The following DOP1B variants were observed in gnomAD, a reference collection of about 807,000 sequenced individuals.
The protein encoded by DOP1B is protein DOP1B.
Under a neutral mutation model 233.5 loss-of-function variants are expected in DOP1B, and 174 were observed. The ratio of observed to expected loss-of-function variants is 0.75; its 90% CI spans 0.66 to 0.85. The LOEUF (loss-of-function observed/expected upper bound fraction) is 0.85, where lower values mean the gene tolerates loss of function less well. Ranked by LOEUF, DOP1B falls within the 40% of genes least tolerant of loss-of-function variation. DOP1B has a pLI of 0.00. For missense variants in DOP1B, 2,652 were observed against 2,846.6 expected (o/e 0.93, Z 1.56); for synonymous variants, 1,190 against 1,185.6 (o/e 1.00, Z -0.08).
At chr21:36,158,117 G>A (rs1229174453) in intron 1 of DOP1B, among the ~76,000 whole-genome samples, 1 of 152,048 alleles carries the variant, frequency 6.6e-6, no homozygotes, top group Non-Finnish European at 1.5e-5. Context: ...GATTTTCTAT[G>A]AAATTAAAAA....
intron 23 of DOP1B, among the ~76,000 whole-genome samples, chr21:36,257,067 T>C (rs1433125778): frequency 2.0e-5 from 3 of 152,162 alleles, no homozygotes; most frequent in Admixed American, 2.0e-4. Context: ...ACCCCCTCTT[T>C]GGGTTCAGTT....
chr21:36,248,471 TC>T lies in DOP1B; in HGVS notation c.4902del (p.Trp1635GlyfsTer17). 6.2e-7 allele frequency: 1 copy of T among 1,614,200 alleles called. No homozygotes were observed. Among genetic ancestry groups the T allele is most frequent in the Non-Finnish European group, 8.5e-7 (1 of 1,180,020 alleles). ...CGAACTGTTAACACCATGGCCCTTC[TC>T]TGGAATGTTCTCAGAAAGGAGGAGA... ...LPRTVNTMALLWNVLRKEETQ... is the reference protein window; with the variant it reads ...LPRTVNTMALXWNVLRKEETQ... On this transcript the variant is annotated frameshift_variant, in exon 21 of 37. Coordinates refer to ENST00000691173, the MANE Select transcript of DOP1B (RefSeq NM_001320714.2). LOFTEE classifies it high-confidence loss of function.
intron 21 of DOP1B, among the ~76,000 whole-genome samples, chr21:36,249,219 G>A (rs1307026099): frequency 2.0e-5 from 3 of 152,082 alleles, no homozygotes; most frequent in African/African-American, 7.2e-5. Flanking sequence ...CTTGAGCTCA[G>A]GAGTTCAAGA....
intron 10 of DOP1B, among the ~76,000 whole-genome samples, chr21:36,220,349 C>T (rs2066610689): frequency 6.6e-6 from 1 of 152,190 alleles, no homozygotes; most frequent in African/African-American, 2.4e-5. Context: ...AAAAAGGTGT[C>T]ACACGTAATC....
At chr21:36,169,044 G>C (rs1821320039) in intron 2 of DOP1B, 1 of 855,134 alleles carries the variant, frequency 1.2e-6, no homozygotes, top group Non-Finnish European at 2.0e-6. Flanking sequence ...TCCATGGTCT[G>C]GAAGCGGCCA....
chr21:36,274,069 G>A (rs1217149345), intron 27 of DOP1B, among the ~76,000 whole-genome samples: 1 of 152,040 alleles, frequency 6.6e-6, no homozygotes, highest in Non-Finnish European at 1.5e-5. Context: ...CAGAGACTCT[G>A]TCTCAAAAAA....
rs773123176 is a variant in DOP1B at position 36,245,512 on chromosome 21, C to G, written c.3532C>G (p.Leu1178Val). 1.2e-6 allele frequency: 2 copies of G among 1,613,638 alleles called. No homozygotes were observed. Among genetic ancestry groups the G allele is most frequent in the South Asian group, 1.1e-5 (1 of 91,092 alleles). The change falls in exon 19 of 37, where the codon CTG (leucine) becomes GTG (valine). Residue 1178 changes from leucine to valine, a missense_variant. Physicochemically the swap from Leu to Val is conservative, Grantham distance 32 (BLOSUM62 1). Around this residue, in one of 3 missense-constraint regions of DOP1B, gnomAD observed 2,617 missense variants for 2,794.3 expected, o/e 0.94. Transcript: ENST00000691173. The surrounding 1 kb of genome is among the most constrained non-coding windows in gnomAD (Gnocchi z 5.5). ...ESFKAGAKLS[L>V]VRVDSDKTQA... Reference sequence around the variant, plus strand: ...CTTCAAGGCTGGGGCCAAGTTAAGCCTGGTGCGGGTGGACTCGGACAAGAC... The same window carrying G: ...CTTCAAGGCTGGGGCCAAGTTAAGCGTGGTGCGGGTGGACTCGGACAAGAC...
chr21:36,247,681 T>G, intron 20 of DOP1B, 53 bp downstream of exon 20: 1 of 1,347,610 alleles, frequency 7.4e-7, no homozygotes, highest in South Asian at 1.3e-5. Flanking sequence ...TTGTTTTGTC[T>G]TTGGGCTATG....
intron 32 of DOP1B, among the ~76,000 whole-genome samples, chr21:36,284,265 CTTTTTTTTTTT>C (rs71326667): frequency 2.6e-5 from 2 of 75,872 alleles, no homozygotes; most frequent in Non-Finnish European, 4.8e-5. Context: ...TTCCTTCTTT[CTTTTTTTTTTT>C]TTTTTTTTTT....
chr21:36,261,089 G>T (rs1452175699), intron 24 of DOP1B: 3 of 1,014,624 alleles, frequency 3.0e-6, no homozygotes, highest in Non-Finnish European at 2.4e-6. Context: ...AATGGGCCAG[G>T]CGCGGTGGCT....
At chr21:36,231,371 G>A (rs568348170) in intron 14 of DOP1B, among the ~76,000 whole-genome samples, 14 of 152,268 alleles carry the variant, frequency 9.2e-5, no homozygotes, top group Non-Finnish European at 1.8e-4. Context: ...GTGCTAATAA[G>A]GTTTCAGGTT....
Position 36,219,555 on chromosome 21 carries a change from T to C in DOP1B, c.1250+63T>C, listed in dbSNP as rs1284754100. ...CTCCCCGGTACTGTGATTTTTTTTTTCCTCTCTTGCTTACTATAAATTGTG... is the reference window on the plus strand; with the variant it reads ...CTCCCCGGTACTGTGATTTTTTTTTCCCTCTCTTGCTTACTATAAATTGTG... On this transcript the variant is annotated intron_variant, in intron 10 of 36. Transcript: ENST00000691173. The C allele has an allele frequency of 8.2e-6, 13 of 1,583,286 alleles. No individual in the cohort carries two copies. In the Admixed American group the frequency reaches 1.3e-4, roughly 16 times the overall value.
At chr21:36,231,636 C>A (rs1406099656) in intron 14 of DOP1B, among the ~76,000 whole-genome samples, 2 of 151,236 alleles carry the variant, frequency 1.3e-5, no homozygotes, top group African/African-American at 4.9e-5. Context: ...TAGACTATTT[C>A]ATGATGCCTG....
intron 28 of DOP1B, among the ~76,000 whole-genome samples, chr21:36,277,483 G>A (rs9983493): frequency 0.39 from 59,070 of 151,560 alleles, 11,535 homozygotes; most frequent in Middle Eastern, 0.51. Flanking sequence ...GGGTTTCACT[G>A]TGTTGGCCAG....
rs1348185339 is a variant in DOP1B, at chr21:36,246,818, A to G, written c.4697+141A>G. 1.1e-6 allele frequency: 1 copy of G among 903,172 alleles called. No homozygotes were observed. The highest frequency in any genetic ancestry group is 1.7e-5 in the African/African-American group (1 of 59,766). 55.9% of individuals were successfully genotyped at this position (903,172 alleles called of 1,614,324 possible). A position where few individuals can be genotyped will look rare whatever the true frequency, so the allele number is the denominator to read the frequency against. On this transcript the variant is annotated intron_variant, in intron 19 of 36. Transcript: ENST00000691173. This position sits in a 1 kb window ranked among gnomAD's most constrained non-coding sequence, Gnocchi z 5.1. ...CCTGTTTAGCATTATCAAGAGGGGT[A>G]ACAAGCAACTAAATGTTCTGATCCA...
rs1269664809 is a variant in DOP1B, at chr21:36,285,826, G to A, written c.6161-2188G>A. On this transcript the variant is annotated intron_variant, in intron 32 of 36. Coordinates refer to ENST00000691173, the MANE Select transcript of DOP1B (RefSeq NM_001320714.2). Reference sequence around the variant, plus strand: ...GTTCAAGACCAACCTGGCCAACATGGTGAAACCCCACCTCTACTAAAAATA... The same window carrying A: ...GTTCAAGACCAACCTGGCCAACATGATGAAACCCCACCTCTACTAAAAATA... Among the ~76,000 whole-genome samples, 3 of 152,054 alleles carry A rather than the reference G, an allele frequency of 2.0e-5. No homozygotes were observed. In the East Asian group the frequency reaches 5.8e-4, roughly 29 times the overall value.
intron 27 of DOP1B, among the ~76,000 whole-genome samples, chr21:36,275,335 C>T (rs1435973251): frequency 6.6e-6 from 1 of 152,060 alleles, no homozygotes; most frequent in Non-Finnish European, 1.5e-5. Flanking sequence ...TCTATTAAAA[C>T]AGGAGATGAG....
At position 36,293,772 on chromosome 21, in the gene DOP1B, C is replaced by G. The variant is rs2067585176; in HGVS notation, c.*201C>G. 1 of 541,426 alleles carries G rather than the reference C, an allele frequency of 1.8e-6. No homozygotes were observed. Among genetic ancestry groups the G allele is most frequent in the Non-Finnish European group, 3.3e-6 (1 of 305,680 alleles). The allele number at this position is 541,426 out of a possible 1,614,324, so 33.5% of individuals were successfully genotyped here. A position where few individuals can be genotyped will look rare whatever the true frequency, so the allele number is the denominator to read the frequency against. On this transcript the variant is annotated 3_prime_UTR_variant, in exon 37 of 37. Coordinates refer to ENST00000691173, the MANE Select transcript of DOP1B (RefSeq NM_001320714.2). ...CCAAGGCAGGCAGATCACTTGAGGTCAGGAGTTCGAGACCAGCCTGACCAA... is the reference window on the plus strand; with the variant it reads ...CCAAGGCAGGCAGATCACTTGAGGTGAGGAGTTCGAGACCAGCCTGACCAA...
chr21:36,223,154 A>G (rs1264662918), intron 10 of DOP1B, 77 bp from the exon 11 acceptor site: 1 of 1,463,874 alleles, frequency 6.8e-7, no homozygotes, highest in South Asian at 1.4e-5. Context: ...GGTGAAATCA[A>G]TTACAGTTTT....
Sources: allele counts gnomAD v4.1 joint callset (sites outside exome capture counted in the v4.1 genomes callset), GRCh38; gene constraint gnomAD v4.1.1; regional missense constraint gnomAD v4.1.1; non-coding constraint Gnocchi (gnomAD v3.1); transcripts MANE v1.5; gene names NCBI Gene and HGNC (gene_info 2026-07-23, HGNC 2026-07-21).